Variants in PPP2R2C observed in about 807,000 individuals in gnomAD.
PPP2R2C encodes the protein protein phosphatase 2, regulatory subunit B, gamma.
In PPP2R2C, 10 loss-of-function variants were observed where a neutral mutation model predicts 45.3. The observed-to-expected ratio is 0.22, with a 90% CI of 0.14 to 0.37. The LOEUF is 0.37. Ranked by LOEUF, PPP2R2C falls within the 10% of genes least tolerant of loss-of-function variation. The pLI is 1.00. For missense variants in PPP2R2C, 308 were observed against 619.7 expected, an observed-to-expected ratio of 0.50 and a Z score of 5.34; for synonymous variants, 257 against 245.4, an observed-to-expected ratio of 1.05 and a Z score of -0.44.
At chr4:6,536,891 A>G (rs890128459) in intron 1 of PPP2R2C, among the ~76,000 whole-genome samples, 7 of 152,176 alleles carry the variant, frequency 4.6e-5, no homozygotes, top group African/African-American at 1.7e-4. Flanking sequence ...AGGCATTTCT[A>G]TGTGTGTGTG....
intron 1 of PPP2R2C, among the ~76,000 whole-genome samples, chr4:6,439,748 T>C (rs1192971542): frequency 6.6e-6 from 1 of 152,214 alleles, no homozygotes; most frequent in African/African-American, 2.4e-5. Flanking sequence ...CTCTGTTGAA[T>C]GGCTGTATTT....
At chr4:6,383,483 G>C in intron 1 of PPP2R2C, 1 of 1,247,682 alleles carries the variant, frequency 8.0e-7, no homozygotes, top group Non-Finnish European at 1.1e-6. Context: ...TTTCCCAAAA[G>C]TCCTGGCCAC....
At chr4:6,382,263 C>T (rs1715854071) in intron 1 of PPP2R2C, 1 of 1,238,978 alleles carries the variant, frequency 8.1e-7, no homozygotes, top group African/African-American at 1.5e-5. Flanking sequence ...GTGAATGGGA[C>T]CTCTGTCGTT....
intron 2 of PPP2R2C, among the ~76,000 whole-genome samples, chr4:6,489,500 C>A (rs1722629303): frequency 6.6e-6 from 1 of 152,158 alleles, no homozygotes; most frequent in Admixed American, 6.5e-5. Context: ...TTATTATGCA[C>A]CCCTCAACCC....
rs550404603 is a variant in PPP2R2C at position 6,435,137 on chromosome 4, T to C, written c.70+37023A>G. On this transcript the variant is annotated intron_variant, in intron 1 of 8. Coordinates refer to ENST00000382599, the MANE Select transcript of PPP2R2C (RefSeq NM_020416.4). ...TCTCCAGGGACACCAATTATGTGTA[T>C]GTTGGATCCCCTTATCTGTCCTCTG... Among the ~76,000 whole-genome samples, 5 of 152,326 alleles carry C rather than the reference T, an allele frequency of 3.3e-5. No individual in the cohort carries two copies. In the South Asian group the frequency reaches 1.0e-3, roughly 32 times the overall value.
At chr4:6,407,488 G>A (rs28419045) in intron 1 of PPP2R2C, among the ~76,000 whole-genome samples, 30,348 of 152,074 alleles carry the variant, frequency 0.2, 3,385 homozygotes, top group South Asian at 0.29. Context: ...CTCGCCTGCT[G>A]GGTTCAAGCG....
At chr4:6,529,207 G>A (rs1038100906) in intron 2 of PPP2R2C, among the ~76,000 whole-genome samples, 20 of 152,198 alleles carry the variant, frequency 1.3e-4, no homozygotes, top group Non-Finnish European at 2.6e-4. Flanking sequence ...GGCCTAGTCA[G>A]CCAGCAAAGG....
chr4:6,375,219 T>C (rs2109302083), intron 4 of PPP2R2C, among the ~76,000 whole-genome samples: 1 of 152,326 alleles, frequency 6.6e-6, no homozygotes. Flanking sequence ...AATTTGCCAG[T>C]CATTTAGGCC....
intron 1 of PPP2R2C, chr4:6,413,894 C>T (rs769296378): frequency 4.9e-5 from 76 of 1,535,958 alleles, no homozygotes; most frequent in Non-Finnish European, 6.2e-5. Context: ...CCCCACAGCC[C>T]CTGCTCACCC....
intron 1 of PPP2R2C, among the ~76,000 whole-genome samples, chr4:6,401,663 T>C (rs1337226084): frequency 1.3e-5 from 2 of 152,178 alleles, no homozygotes; most frequent in Admixed American, 6.5e-5. Context: ...GAGAGCCCTC[T>C]GTCATCACAA....
chr4:6,562,468 C>CG (rs201107217), intron 1 of PPP2R2C, among the ~76,000 whole-genome samples: 7,397 of 91,814 alleles, frequency 0.081, 277 homozygotes, highest in African/African-American at 0.097. Flanking sequence ...TCAACGGAGT[C>CG]GGGGGGGGGG....
chr4:6,380,913 C>A, intron 2 of PPP2R2C, 84 bp downstream of exon 2: 4 of 1,446,666 alleles, frequency 2.8e-6, no homozygotes, highest in Non-Finnish European at 3.6e-6. Flanking sequence ...TCCCCCTTAT[C>A]CTTATCCCCT....
intron 1 of PPP2R2C, among the ~76,000 whole-genome samples, chr4:6,400,546 A>G (rs899412636): frequency 6.6e-6 from 1 of 152,222 alleles, no homozygotes; most frequent in African/African-American, 2.4e-5. Flanking sequence ...TAAGACCAAA[A>G]AGTTTGGCAA....
chr4:6,443,504 C>T (rs1313099346), intron 1 of PPP2R2C, among the ~76,000 whole-genome samples: 2 of 152,164 alleles, frequency 1.3e-5, no homozygotes, highest in Non-Finnish European at 2.9e-5. Context: ...CACCCCCTTC[C>T]GTGGTACTTC....
upstream of PPP2R2C, among the ~76,000 whole-genome samples, chr4:6,476,714 G>GTTTACTAGTAAA (rs1722156601): frequency 6.6e-6 from 1 of 152,122 alleles, no homozygotes; most frequent in Admixed American, 6.5e-5. Flanking sequence ...AGTTTTACTA[G>GTTTACTAGTAAA]TTTACTAGTA....
chr4:6,361,901 G>T (rs2109267138), intron 5 of PPP2R2C, among the ~76,000 whole-genome samples: 1 of 152,370 alleles, frequency 6.6e-6, no homozygotes, highest in East Asian at 1.9e-4. Context: ...GAGAGACACA[G>T]GTGCTCATGT....
rs757810061 is a variant in PPP2R2C, at chr4:6,381,061, G to A, written c.104C>T (p.Thr35Met). 6.3e-7 allele frequency: 1 copy of A among 1,593,998 alleles called. No homozygotes were observed. Among genetic ancestry groups the A allele is most frequent in the Admixed American group, 1.7e-5 (1 of 58,816 alleles). The stretch of plus-strand genomic sequence containing the variant: ...GTCACCTGTGGCCAGCAGCTCTCCC[G>A]TGTGGTTGAACTCAACGGTAGAGAT... Reference protein sequence around the residue: ...DIISTVEFNHTGELLATGDKG... With the variant: ...DIISTVEFNHMGELLATGDKG... Residue 35 changes from threonine to methionine, a missense_variant, in exon 2 of 9, where the codon ACG becomes ATG. Thr to Met is a moderately conservative substitution (Grantham distance 81). Transcript: ENST00000382599.
intron 1 of PPP2R2C, among the ~76,000 whole-genome samples, chr4:6,388,310 G>T (rs1034120367): frequency 6.6e-6 from 1 of 152,170 alleles, no homozygotes; most frequent in Non-Finnish European, 1.5e-5. Flanking sequence ...CTAGTGACCC[G>T]CCCAGTAACA....
chr4:6,468,740 G>T (rs1246531282), intron 1 of PPP2R2C, among the ~76,000 whole-genome samples: 3 of 152,136 alleles, frequency 2.0e-5, no homozygotes, highest in Non-Finnish European at 4.4e-5. Context: ...GATGGGTTTT[G>T]TAAGTTCAGT....
Sources: gnomAD v4.1 joint callset for allele counts (sites outside exome capture counted in the v4.1 genomes callset) on GRCh38, gnomAD v4.1.1 for gene constraint, MANE v1.5 for transcripts, NCBI Gene and HGNC (gene_info 2026-07-23, HGNC 2026-07-21) for gene names.